The following TMED3 variants were observed in gnomAD, a reference collection of about 807,000 sequenced individuals.
TMED3 encodes the protein transmembrane emp24 domain-containing protein 3.
A neutral mutation model predicts 15.0 loss-of-function variants in TMED3; 9 were observed. The ratio of observed to expected loss-of-function variants is 0.60; its 90% CI spans 0.36 to 1.04. TMED3 has a LOEUF of 1.04. Ranked by LOEUF, TMED3 falls within the 50% of genes least tolerant of loss-of-function variation. The pLI is 0.01. For missense variants in TMED3, 267 were observed against 278.9 expected (o/e 0.96, Z 0.30); for synonymous variants, 117 against 121.4 (o/e 0.96, Z 0.24).
intron 2 of TMED3, among the ~76,000 whole-genome samples, chr15:79,404,029 G>T (rs1893869335): frequency 6.6e-6 from 1 of 152,136 alleles, no homozygotes; most frequent in Admixed American, 6.5e-5. Flanking sequence ...CTGTATGTTG[G>T]TATCTTCCAG....
intron 2 of TMED3, among the ~76,000 whole-genome samples, chr15:79,393,904 C>T (rs1463496482): frequency 6.6e-6 from 1 of 152,078 alleles, no homozygotes; most frequent in Non-Finnish European, 1.5e-5. Flanking sequence ...ACCATGTTGC[C>T]CAGGATGGTC....
intron 2 of TMED3, among the ~76,000 whole-genome samples, chr15:79,340,237 C>T (rs1475055024): frequency 3.9e-5 from 6 of 152,180 alleles, no homozygotes; most frequent in Non-Finnish European, 5.9e-5. Context: ...AACTTTACCT[C>T]AAGGATTGGG....
chr15:79,370,212 C>T (rs1893311416), intron 2 of TMED3, among the ~76,000 whole-genome samples: 1 of 150,324 alleles, frequency 6.7e-6, no homozygotes, highest in African/African-American at 2.5e-5. Context: ...TGCCTCAGCT[C>T]TCAAGTAGCT....
chr15:79,337,646 A>G (rs191086779), intron 2 of TMED3, among the ~76,000 whole-genome samples: 38 of 152,278 alleles, frequency 2.5e-4, no homozygotes, highest in African/African-American at 8.9e-4. Context: ...GATCTCTTTT[A>G]TAAGATATCG....
At chr15:79,397,332 A>T (rs1398939771) in intron 2 of TMED3, among the ~76,000 whole-genome samples, 1 of 152,232 alleles carries the variant, frequency 6.6e-6, no homozygotes, top group African/African-American at 2.4e-5. Context: ...TATTGTGTAC[A>T]TAGCAGTCTG....
At chr15:79,334,934 A>G (rs1263772736) in intron 2 of TMED3, among the ~76,000 whole-genome samples, 1 of 152,236 alleles carries the variant, frequency 6.6e-6, no homozygotes, top group Non-Finnish European at 1.5e-5. Context: ...CAGAAATGAT[A>G]GTTAACTTTA....
intron 2 of TMED3, among the ~76,000 whole-genome samples, chr15:79,386,934 C>CTTTT (rs372149513): frequency 1.5e-5 from 2 of 137,346 alleles, no homozygotes; most frequent in Non-Finnish European, 1.6e-5. Flanking sequence ...ATCTTTTAAT[C>CTTTT]TTTTTTTTTT....
intron 2 of TMED3, among the ~76,000 whole-genome samples, chr15:79,385,376 C>T (rs1019457620): frequency 6.6e-6 from 1 of 152,238 alleles, no homozygotes; most frequent in African/African-American, 2.4e-5. Context: ...CCCACTTCCA[C>T]AGCACCTCAC....
At chr15:79,384,531 A>G (rs1218919779) in intron 2 of TMED3, 1 of 152,280 alleles carries the variant, frequency 6.6e-6, no homozygotes, top group Admixed American at 6.5e-5. Context: ...AGAGGCACAG[A>G]CTATGCTGTG....
In TMED3 at chr15:79,352,675, TATATATATATATGTAACTGA is replaced by T. The variant is rs1180665949; in HGVS notation, c.417+38683_417+38702del. On this transcript the variant is annotated intron_variant, in intron 2 of 2. Coordinates refer to the TMED3 transcript ENST00000424155. ...AGGTCATTAACTAAGAAAAAAAAAA[TATATATATATATGTAACTGA>T]ATATATATATATATTTCACCCAACC... Among the ~76,000 whole-genome samples the T allele has an allele frequency of 3.0e-4, 27 of 89,008 alleles. No individual in the cohort carries two copies. The East Asian group carries it at 4.5e-3, about 15-fold the overall frequency. 58.4% of individuals were successfully genotyped at this position (89,008 alleles called of 152,430 possible).
chr15:79,402,540 G>A (rs1323191354), intron 2 of TMED3, among the ~76,000 whole-genome samples: 1 of 152,220 alleles, frequency 6.6e-6, no homozygotes, highest in Non-Finnish European at 1.5e-5. Flanking sequence ...AACATTTTGG[G>A]AGGCTGAGGC....
At chr15:79,354,754 C>T (rs2058911919) in intron 2 of TMED3, among the ~76,000 whole-genome samples, 1 of 152,176 alleles carries the variant, frequency 6.6e-6, no homozygotes, top group African/African-American at 2.4e-5. Context: ...AAAGATACTG[C>T]CAATCCCAGG....
intron 2 of TMED3, among the ~76,000 whole-genome samples, chr15:79,377,755 G>A (rs113252127): frequency 1.4e-5 from 2 of 147,596 alleles, no homozygotes; most frequent in South Asian, 2.1e-4. Flanking sequence ...TCACCCATTC[G>A]CCTGCCTCAG....
At chr15:79,402,003 T>C (rs534083476) in intron 2 of TMED3, among the ~76,000 whole-genome samples, 1 of 152,282 alleles carries the variant, frequency 6.6e-6, no homozygotes, top group East Asian at 1.9e-4. Flanking sequence ...GTCATTGTCT[T>C]GGCCTGAGTC....
In TMED3 at chr15:79,341,155, C is replaced by T. The variant is rs948508256; in HGVS notation, c.417+27150C>T. 4.1e-5 allele frequency among the ~76,000 whole-genome samples: 5 copies of T among 122,640 alleles called. No individual in the cohort carries two copies. In the East Asian group the frequency reaches 1.0e-3, roughly 25 times the overall value. 80.5% of individuals were successfully genotyped at this position (122,640 alleles called of 152,430 possible). A position where few individuals can be genotyped will look rare whatever the true frequency, so the allele number is the denominator to read the frequency against. ...GCTTCAGTGAGCTGCGATCATGCCA[C>T]TGCATTCAGCCTGAGTGACACAGCA... On this transcript the variant is annotated intron_variant, in intron 2 of 2. Transcript: ENST00000424155.
chr15:79,328,187 A>C (rs533025111), intron 2 of TMED3, among the ~76,000 whole-genome samples: 8 of 152,314 alleles, frequency 5.3e-5, no homozygotes, highest in South Asian at 2.1e-4. Context: ...GGAAAGAAGC[A>C]CAAGGGAGCC....
intron 2 of TMED3, among the ~76,000 whole-genome samples, chr15:79,352,206 A>G (rs2058893621): frequency 6.6e-6 from 1 of 152,124 alleles, no homozygotes; most frequent in African/African-American, 2.4e-5. Flanking sequence ...CTGTTCCCCA[A>G]AAAGCTATTG....
At chr15:79,405,145 G>A (rs188709652) in intron 2 of TMED3, among the ~76,000 whole-genome samples, 112 of 152,282 alleles carry the variant, frequency 7.4e-4, no homozygotes, top group African/African-American at 2.5e-3. Context: ...AGTCACTTGC[G>A]ATTCTGTGGT....
chr15:79,365,066 C>T (rs753203507), intron 2 of TMED3, among the ~76,000 whole-genome samples: 1 of 152,260 alleles, frequency 6.6e-6, no homozygotes, highest in African/African-American at 2.4e-5. Flanking sequence ...TGCATGCTCC[C>T]TCTCCCCTCA....
Sources: gnomAD v4.1 joint callset for allele counts (sites outside exome capture counted in the v4.1 genomes callset) on GRCh38, gnomAD v4.1.1 for gene constraint, MANE v1.5 for transcripts, NCBI Gene and HGNC (gene_info 2026-07-23, HGNC 2026-07-21) for gene names.